Variants in LRRC69 observed in about 807,000 individuals in gnomAD.
The protein encoded by LRRC69 is leucine-rich repeat-containing protein 69.
Under a neutral mutation model 37.8 loss-of-function variants are expected in LRRC69, and 42 were observed. The observed-to-expected ratio is 1.11, with a 90% CI of 0.87 to 1.44. The LOEUF is 1.44. Ranked by LOEUF, LRRC69 falls within the 40% of genes most tolerant of loss-of-function variation. The probability of loss-of-function intolerance (pLI) is 0.00; values close to 1 mark genes in which losing one functional copy is unlikely to be tolerated. For synonymous variants in LRRC69, 141 were observed against 143.1 expected (o/e 0.99, Z 0.11); for missense variants, 357 against 401.9 (o/e 0.89, Z 0.96).
intron 1 of LRRC69, among the ~76,000 whole-genome samples, chr8:91,110,221 T>C (rs1208896873): frequency 1.3e-5 from 2 of 152,078 alleles, no homozygotes; most frequent in African/African-American, 4.8e-5. Flanking sequence ...AGTTCAAACA[T>C]ATTTATACAT....
At chr8:91,215,354 T>C (rs552202972) in intron 7 of LRRC69, among the ~76,000 whole-genome samples, 15 of 152,180 alleles carry the variant, frequency 9.9e-5, no homozygotes, top group Non-Finnish European at 1.9e-4. Flanking sequence ...GCCATATAAA[T>C]ATATATTGCA....
intron 5 of LRRC69, among the ~76,000 whole-genome samples, chr8:91,154,088 T>A (rs2130552403): frequency 6.6e-6 from 1 of 151,882 alleles, no homozygotes; most frequent in Non-Finnish European, 1.5e-5. Context: ...TATAAATACC[T>A]CTTTGCAAAT....
intron 5 of LRRC69, among the ~76,000 whole-genome samples, chr8:91,149,891 A>G (rs376631016): frequency 7.9e-5 from 12 of 151,764 alleles, no homozygotes; most frequent in South Asian, 4.2e-4. Flanking sequence ...CTGTTTGTCT[A>G]TTATTGGTGT....
chr8:91,202,585 G>A (rs1174787625), intron 7 of LRRC69, among the ~76,000 whole-genome samples: 1 of 152,188 alleles, frequency 6.6e-6, no homozygotes, highest in Non-Finnish European at 1.5e-5. Context: ...AACTGTTCCA[G>A]TAGGAACAGT....
At chr8:91,214,016 A>G (rs1488490729) in intron 7 of LRRC69, among the ~76,000 whole-genome samples, 1 of 151,926 alleles carries the variant, frequency 6.6e-6, no homozygotes, top group Non-Finnish European at 1.5e-5. Flanking sequence ...TGAGATATAT[A>G]TGTGTTCGTG....
intron 5 of LRRC69, among the ~76,000 whole-genome samples, chr8:91,148,101 C>T (rs1197354878): frequency 6.6e-6 from 1 of 150,456 alleles, no homozygotes; most frequent in Non-Finnish European, 1.5e-5. Context: ...TTTTATTATA[C>T]TTTAAGTTTT....
chr8:91,118,109 C>G (rs575713532), intron 1 of LRRC69: 2 of 451,740 alleles, frequency 4.4e-6, no homozygotes, highest in East Asian at 1.4e-4. Context: ...ATAGCTAGAT[C>G]TTCCTAACAA....
intron 5 of LRRC69, among the ~76,000 whole-genome samples, chr8:91,167,160 G>T (rs907313928): frequency 2.6e-5 from 4 of 151,810 alleles, no homozygotes; most frequent in Non-Finnish European, 5.9e-5. Context: ...GTAGTCTGTT[G>T]TTATGCTGTT....
At chr8:91,107,470 A>C (rs776676522) in intron 1 of LRRC69, among the ~76,000 whole-genome samples, 1 of 151,606 alleles carries the variant, frequency 6.6e-6, no homozygotes, top group East Asian at 1.9e-4. Flanking sequence ...TTTACCATTC[A>C]TTTTCTTGCA....
intron 6 of LRRC69, among the ~76,000 whole-genome samples, chr8:91,197,525 G>T (rs183958741): frequency 1.9e-3 from 283 of 152,282 alleles, no homozygotes; most frequent in Middle Eastern, 3.4e-3. Flanking sequence ...TCCGAGCCAG[G>T]TGCGGGATAT....
At chr8:91,196,119 G>C (rs1440100345) in intron 6 of LRRC69, among the ~76,000 whole-genome samples, 4 of 151,494 alleles carry the variant, frequency 2.6e-5, no homozygotes, top group Non-Finnish European at 4.4e-5. Context: ...AGTTTGGCTG[G>C]ATATGAAATT....
intron 5 of LRRC69, among the ~76,000 whole-genome samples, chr8:91,171,619 C>T (rs892358137): frequency 6.6e-6 from 1 of 151,892 alleles, no homozygotes. Context: ...AGATCATATC[C>T]ACGTTGGGAA....
chr8:91,140,641 T>A lies in LRRC69; in HGVS notation c.651+4902T>A, dbSNP rs1306762350. ...AAATGAATATTCTTCAATATGTGAT[T>A]TTTTTTTTTTTTTTTTTTTTTTTTT... On this transcript the variant is annotated intron_variant, in intron 5 of 7. Coordinates refer to ENST00000448384, the Ensembl canonical transcript of LRRC69. 4.2e-4 allele frequency among the ~76,000 whole-genome samples: 6 copies of A among 14,436 alleles called. 2 individuals carry two copies. The highest frequency in any genetic ancestry group is 1.1e-3 in the Non-Finnish European group (6 of 5,634). The allele number at this position is 14,436 out of a possible 152,430, so 9.5% of individuals were successfully genotyped here. A position where few individuals can be genotyped will look rare whatever the true frequency, so the allele number is the denominator to read the frequency against.
intron 5 of LRRC69, among the ~76,000 whole-genome samples, chr8:91,160,400 A>T (rs1353161842): frequency 6.6e-6 from 1 of 150,468 alleles, no homozygotes; most frequent in African/African-American, 2.4e-5. Context: ...TGTCTTGCCT[A>T]ATTACTCTCT....
intron 1 of LRRC69, among the ~76,000 whole-genome samples, chr8:91,103,931 G>T (rs141955814): frequency 6.6e-6 from 1 of 151,596 alleles, no homozygotes; most frequent in African/African-American, 2.4e-5. Context: ...ACTAACCATT[G>T]GTTACCGAGA....
intron 5 of LRRC69, among the ~76,000 whole-genome samples, chr8:91,164,436 C>A (rs1265839615): frequency 6.6e-6 from 1 of 151,572 alleles, no homozygotes; most frequent in East Asian, 1.9e-4. Flanking sequence ...AGATTAAGGT[C>A]AGAACCTTCA....
chr8:91,161,823 T>C (rs987740242), intron 5 of LRRC69, among the ~76,000 whole-genome samples: 3 of 151,446 alleles, frequency 2.0e-5, no homozygotes, highest in Non-Finnish European at 4.4e-5. Context: ...TTCTTGCTTT[T>C]CTAGATCCTT....
At chr8:91,159,379 G>T (rs1390624430) in intron 5 of LRRC69, among the ~76,000 whole-genome samples, 2 of 151,162 alleles carry the variant, frequency 1.3e-5, no homozygotes, top group African/African-American at 4.8e-5. Flanking sequence ...CTTCAAAATA[G>T]ACCTGTGGCA....
chr8:91,110,789 G>A (rs1026271020), intron 1 of LRRC69, among the ~76,000 whole-genome samples: 30 of 152,054 alleles, frequency 2.0e-4, no homozygotes, highest in African/African-American at 7.0e-4. Context: ...TCTGGTCCAA[G>A]TTCTAGGCCT....
Sources: allele counts gnomAD v4.1 joint callset (sites outside exome capture counted in the v4.1 genomes callset), GRCh38; gene constraint gnomAD v4.1.1; transcripts MANE v1.5; gene names NCBI Gene and HGNC (gene_info 2026-07-23, HGNC 2026-07-21).